RSBN1L: variants seen among roughly 807,000 people sequenced by gnomAD.
RSBN1L encodes round spermatid basic protein 1 like, also known as lysine-specific demethylase RSBN1L.
A neutral mutation model predicts 67.7 loss-of-function variants in RSBN1L; 30 were observed. That is an observed-to-expected ratio of 0.44 (90% CI 0.33 to 0.60). RSBN1L has a LOEUF of 0.60. Among genes scored for constraint, RSBN1L ranks in the 20% least tolerant of loss-of-function variants. RSBN1L has a pLI of 0.02. For missense variants in RSBN1L, 992 were observed against 1,031.7 expected (o/e 0.96, Z 0.53); for synonymous variants, 433 against 387.0 (o/e 1.12, Z -1.39).
intron 1 of RSBN1L, among the ~76,000 whole-genome samples, chr7:77,729,252 A>T (rs534949503): frequency 6.6e-6 from 1 of 152,068 alleles, no homozygotes; most frequent in South Asian, 2.1e-4. Context: ...TGAGGTCTGT[A>T]TGGCTGCAGT....
At chr7:77,756,620 A>G (rs963669127) in intron 3 of RSBN1L, among the ~76,000 whole-genome samples, 1 of 151,994 alleles carries the variant, frequency 6.6e-6, no homozygotes, top group Non-Finnish European at 1.5e-5. Flanking sequence ...AATAAAAAAA[A>G]TACAAAAATT....
chr7:77,756,846 A>G (rs1246054635), intron 3 of RSBN1L, among the ~76,000 whole-genome samples: 1 of 152,020 alleles, frequency 6.6e-6, no homozygotes, highest in Non-Finnish European at 1.5e-5. Context: ...TTTTTAATCG[A>G]TAAAAGAGTA....
At position 77,749,678 on chromosome 7, in the gene RSBN1L, A is replaced by T; in HGVS notation, c.958A>T (p.Asn320Tyr). The change falls in exon 3 of 8, where the codon AAC (asparagine) becomes TAC (tyrosine). Residue 320 changes from asparagine (N) to tyrosine (Y), a missense_variant. This residue lies in a region of RSBN1L where 575 missense variants were observed against 483.2 expected (regional missense o/e 1.19). Transcript: ENST00000334955. The part of the protein sequence containing the change: ...TKNYDSKIPE[N>Y]SEFPFVSLKE... Reference sequence around the variant, plus strand: ...GAACTATGATTCCAAAATTCCAGAGAACAGTGAGTTTCCATTTGTCTCATT... The same window carrying T: ...GAACTATGATTCCAAAATTCCAGAGTACAGTGAGTTTCCATTTGTCTCATT... 1 of 1,614,192 alleles carries T rather than the reference A, an allele frequency of 6.2e-7. No homozygotes were observed. The highest frequency in any genetic ancestry group is 1.1e-5 in the South Asian group (1 of 91,090).
intron 1 of RSBN1L, among the ~76,000 whole-genome samples, chr7:77,697,543 A>T (rs1011974308): frequency 6.6e-5 from 10 of 152,188 alleles, no homozygotes; most frequent in Non-Finnish European, 1.3e-4. Flanking sequence ...GGAAGCTACC[A>T]GAGGCCTGAG....
At chr7:77,778,300 T>C (rs753998632) in intron 6 of RSBN1L, 38 bp from the exon 7 acceptor site, 2 of 1,429,324 alleles carry the variant, frequency 1.4e-6, no homozygotes, top group Admixed American at 3.9e-5. Flanking sequence ...GAGTGAAGCA[T>C]TTATGGCAGA....
In RSBN1L at chr7:77,765,503, A is replaced by G; in HGVS notation, c.1353A>G (p.Arg451=). ...AATCCATGTTTCTTCAGGTAAAAAG[A>G]ACGTATTCTCATGGTACTTACAGAG... The part of the protein sequence containing the change: ...TMSNFHAQVK[R]TYSHGTYRAG... Residue 451 remains arginine (R), a synonymous_variant, in exon 4 of 8, where the codon AGA becomes AGG. Coordinates refer to ENST00000334955, the MANE Select transcript of RSBN1L (RefSeq NM_198467.3). The G allele has an allele frequency of 6.4e-7, 1 of 1,560,540 alleles. No homozygotes were observed. Among genetic ancestry groups the G allele is most frequent in the Non-Finnish European group, 8.7e-7 (1 of 1,151,242 alleles).
intron 1 of RSBN1L, among the ~76,000 whole-genome samples, chr7:77,705,510 G>GTTTTTT (rs56187940): frequency 0.021 from 2,307 of 111,366 alleles, 138 homozygotes; most frequent in African/African-American, 0.066. Flanking sequence ...CATTGTAATG[G>GTTTTTT]TTTTTTTTTT....
At position 77,779,049 on chromosome 7, in the gene RSBN1L, A is replaced by T. The variant is rs1039061360; in HGVS notation, c.2422A>T (p.Asn808Tyr). ...GATTGACATGGATTCTAAATTTGAA[A>T]ATAGCAACAAAGATTTAAAGGAAGA... ...FKIDMDSKFE[N>Y]SNKDLKEELC... Residue 808 changes from asparagine to tyrosine, a missense_variant, in exon 8 of 8, where the codon AAT becomes TAT. Asn to Tyr is a moderately radical substitution (Grantham distance 143). Around this residue, in one of 7 missense-constraint regions of RSBN1L, gnomAD observed 199 missense variants for 167.7 expected, o/e 1.19. Coordinates refer to ENST00000334955, the MANE Select transcript of RSBN1L (RefSeq NM_198467.3). 8.1e-6 allele frequency: 13 copies of T among 1,613,908 alleles called. No individual in the cohort carries two copies. The highest frequency in any genetic ancestry group is 1.1e-5 in the Non-Finnish European group (13 of 1,179,942).
intron 2 of RSBN1L, among the ~76,000 whole-genome samples, chr7:77,744,193 AG>A (rs1791450433): frequency 6.6e-6 from 1 of 151,658 alleles, no homozygotes; most frequent in South Asian, 2.1e-4. Context: ...CAACATGCCC[AG>A]CTAATTAAAA....
At chr7:77,770,546 G>C (rs574140472) in intron 5 of RSBN1L, among the ~76,000 whole-genome samples, 2 of 152,030 alleles carry the variant, frequency 1.3e-5, no homozygotes, top group East Asian at 3.9e-4. Flanking sequence ...TAGCCAATGT[G>C]GTGGTACATG....
At chr7:77,742,164 T>TA (rs1350455602) in intron 2 of RSBN1L, among the ~76,000 whole-genome samples, 54 of 100,222 alleles carry the variant, frequency 5.4e-4, no homozygotes, top group East Asian at 1.3e-3. Flanking sequence ...AACCCATCTT[T>TA]AAAAAAAAAA....
intron 1 of RSBN1L, among the ~76,000 whole-genome samples, chr7:77,704,827 A>C (rs540657937): frequency 7.6e-4 from 116 of 152,096 alleles, no homozygotes; most frequent in Admixed American, 1.6e-3. Context: ...AAAAATACAA[A>C]AATTAGGTGT....
chr7:77,765,017 G>T (rs1473645162), intron 3 of RSBN1L, among the ~76,000 whole-genome samples: 1 of 152,196 alleles, frequency 6.6e-6, no homozygotes, highest in Non-Finnish European at 1.5e-5. Flanking sequence ...GATCAAAAAA[G>T]AAGAGCATCC....
At chr7:77,728,178 A>G (rs1471770246) in intron 1 of RSBN1L, among the ~76,000 whole-genome samples, 3 of 151,748 alleles carry the variant, frequency 2.0e-5, no homozygotes, top group Non-Finnish European at 1.5e-5. Flanking sequence ...TTTGTTTACT[A>G]CTCCCTAGTT....
At chr7:77,765,724 C>A in intron 4 of RSBN1L, 92 bp downstream of exon 4, 2 of 925,512 alleles carry the variant, frequency 2.2e-6, no homozygotes, top group Non-Finnish European at 3.2e-6. Context: ...TTGTTTCTTT[C>A]ATGCTACATG....
intron 3 of RSBN1L, among the ~76,000 whole-genome samples, chr7:77,751,260 C>T (rs1411365170): frequency 2.0e-5 from 3 of 152,122 alleles, no homozygotes; most frequent in Non-Finnish European, 4.4e-5. Context: ...CTGATTCAGC[C>T]TCCCAAGTAG....
chr7:77,773,020 A>C, intron 5 of RSBN1L, 127 bp from the exon 6 acceptor site: 2 of 533,572 alleles, frequency 3.7e-6, no homozygotes, highest in South Asian at 3.4e-5. Context: ...GTTCGTGTTC[A>C]TTTTAAAGAT....
chr7:77,697,510 T>G (rs1790754659), intron 1 of RSBN1L, among the ~76,000 whole-genome samples: 1 of 152,080 alleles, frequency 6.6e-6, no homozygotes, highest in African/African-American at 2.4e-5. Flanking sequence ...AAAAGGGGTG[T>G]GGAGAGAGCA....
chr7:77,723,044 C>G (rs1475310119), intron 1 of RSBN1L, among the ~76,000 whole-genome samples: 1 of 151,044 alleles, frequency 6.6e-6, no homozygotes, highest in African/African-American at 2.4e-5. Flanking sequence ...CTCGGCTCAC[C>G]ACAACCTCCG....
Sources: allele counts gnomAD v4.1 joint callset (sites outside exome capture counted in the v4.1 genomes callset), GRCh38; gene constraint gnomAD v4.1.1; regional missense constraint gnomAD v4.1.1; transcripts MANE v1.5; gene names NCBI Gene and HGNC (gene_info 2026-07-23, HGNC 2026-07-21).